Variants in CAMK4 observed in about 807,000 individuals in gnomAD.
CAMK4 encodes the protein calcium/calmodulin dependent protein kinase IV.
In CAMK4, 22 loss-of-function variants were observed where a neutral mutation model predicts 44.9. That is an observed-to-expected ratio of 0.49 (90% CI 0.35 to 0.70). The LOEUF is 0.70. Among genes scored for constraint, CAMK4 ranks in the 30% least tolerant of loss-of-function variants. The pLI, the probability that CAMK4 is intolerant of heterozygous loss-of-function variation, is 0.01. For synonymous variants in CAMK4, 218 were observed against 215.4 expected (o/e 1.01, Z -0.11); for missense variants, 498 against 586.8 (o/e 0.85, Z 1.56).
rs764687788 is a variant in CAMK4 at position 111,394,750 on chromosome 5, G to C, written c.427G>C (p.Asp143His). ...KGYYSERDAA[D>H]AVKQILEAVA... ...ATATTACAGTGAGCGAGATGCTGCA[G>C]ATGCCGTTAAACAAATCCTGGAGGC... is the stretch of plus-strand genomic sequence containing the variant. The change falls in exon 5 of 11, where the codon GAT becomes CAT. Residue 143 changes from aspartate (D) to histidine (H), a missense_variant. Transcript: ENST00000282356. 28 of 1,613,156 alleles carry C rather than the reference G, an allele frequency of 1.7e-5. No homozygotes were observed. In the South Asian group the frequency reaches 2.6e-4, roughly 15 times the overall value.
intron 2 of CAMK4, among the ~76,000 whole-genome samples, chr5:111,354,930 G>A (rs932869170): frequency 6.6e-6 from 1 of 152,090 alleles, no homozygotes; most frequent in African/African-American, 2.4e-5. Context: ...CTGACAATGA[G>A]CCATGCATTT....
At chr5:111,355,052 G>T (rs1750277200) in intron 2 of CAMK4, among the ~76,000 whole-genome samples, 1 of 152,108 alleles carries the variant, frequency 6.6e-6, no homozygotes, top group South Asian at 2.1e-4. Context: ...ATGTGCTCTG[G>T]AAGTACAGGC....
At position 111,461,813 on chromosome 5, in the gene CAMK4, T is replaced by TAAAA. The variant is rs3066731; in HGVS notation, c.626-11478_626-11475dup. 2.4e-3 allele frequency among the ~76,000 whole-genome samples: 167 copies of TAAAA among 69,158 alleles called. 15 individuals carry two copies. The highest frequency in any genetic ancestry group is 6.0e-3 in the African/African-American group (123 of 20,566). 45.4% of individuals were successfully genotyped at this position (69,158 alleles called of 152,430 possible). The stretch of plus-strand genomic sequence containing the variant: ...CTGAATTCAAAACAAGCCTCTATAG[T>TAAAA]AAAAAAAAAAAAAAAAAAAAAAATC... On this transcript the variant is annotated intron_variant, in intron 7 of 10. Transcript: ENST00000282356.
At chr5:111,316,600 A>G (rs1183180261) in intron 1 of CAMK4, among the ~76,000 whole-genome samples, 2 of 152,108 alleles carry the variant, frequency 1.3e-5, no homozygotes, top group African/African-American at 4.8e-5. Context: ...AGGCTCCTCT[A>G]CAGGCGTAGA....
In CAMK4 at chr5:111,449,153, T is replaced by G. The variant is rs1269055417; in HGVS notation, c.575T>G (p.Val192Gly). 1 of 1,577,072 alleles carries G rather than the reference T, an allele frequency of 6.3e-7. No homozygotes were observed. Among genetic ancestry groups the G allele is most frequent in the African/African-American group, 1.3e-5 (1 of 74,366 alleles). Residue 192 changes from valine to glycine, a missense_variant, in exon 7 of 11, where the codon GTG becomes GGG. Physicochemically the swap from Val to Gly is moderately radical, Grantham distance 109. Coordinates refer to ENST00000282356, the MANE Select transcript of CAMK4 (RefSeq NM_001744.6). ...GCTGATTTTGGACTCTCTAAAATTG[T>G]GGAACATCAAGTGCTCATGAAGACA... is the stretch of plus-strand genomic sequence containing the variant. The part of the protein sequence containing the change: ...KIADFGLSKI[V>G]EHQVLMKTVC...
At chr5:111,266,443 T>A (rs1022052163) in intron 1 of CAMK4, among the ~76,000 whole-genome samples, 22 of 152,232 alleles carry the variant, frequency 1.4e-4, no homozygotes, top group Admixed American at 2.6e-4. Context: ...AAAGCATTTT[T>A]AAGATATCTA....
intron 1 of CAMK4, among the ~76,000 whole-genome samples, chr5:111,319,926 G>A (rs1463805634): frequency 6.6e-6 from 1 of 152,138 alleles, no homozygotes; most frequent in East Asian, 1.9e-4. Flanking sequence ...GCAAACTCTA[G>A]TCTAGATAGG....
At chr5:111,319,752 T>C (rs74671886) in intron 1 of CAMK4, among the ~76,000 whole-genome samples, 11,901 of 152,262 alleles carry the variant, frequency 0.078, 589 homozygotes, top group Non-Finnish European at 0.12. Flanking sequence ...CTTTAACTGA[T>C]TGTGGTTATC....
At chr5:111,357,935 T>C (rs764264188) in intron 2 of CAMK4, 1 of 152,024 alleles carries the variant, frequency 6.6e-6, no homozygotes, top group Non-Finnish European at 1.5e-5. Context: ...CTCAGGGCTT[T>C]TGAATTCCAA....
At chr5:111,420,400 CT>C (rs1752982009) in intron 5 of CAMK4, among the ~76,000 whole-genome samples, 1 of 152,068 alleles carries the variant, frequency 6.6e-6, no homozygotes, top group African/African-American at 2.4e-5. Context: ...GACAATTTGA[CT>C]TCCTCTTTTC....
intron 1 of CAMK4, among the ~76,000 whole-genome samples, chr5:111,308,270 A>C (rs1748023958): frequency 6.6e-6 from 1 of 152,052 alleles, no homozygotes; most frequent in Non-Finnish European, 1.5e-5. Flanking sequence ...AAATAAAATA[A>C]ATGTATCAAA....
chr5:111,234,184 A>G (rs1183828441), intron 1 of CAMK4, among the ~76,000 whole-genome samples: 2 of 152,214 alleles, frequency 1.3e-5, no homozygotes, highest in African/African-American at 2.4e-5. Context: ...TTTAAATAAC[A>G]TTCTACTTTA....
intron 7 of CAMK4, among the ~76,000 whole-genome samples, chr5:111,467,795 G>GATTC (rs1754896821): frequency 6.6e-6 from 1 of 152,162 alleles, no homozygotes; most frequent in Non-Finnish European, 1.5e-5. Flanking sequence ...ACAGTGTGGA[G>GATTC]ATTCCTTAAA....
chr5:111,336,024 C>T (rs1194189774), intron 1 of CAMK4, among the ~76,000 whole-genome samples: 1 of 151,210 alleles, frequency 6.6e-6, no homozygotes, highest in African/African-American at 2.4e-5. Flanking sequence ...TCTAGAATTC[C>T]TGTTAAAACT....
At chr5:111,341,915 A>G (rs1004679697) in intron 1 of CAMK4, among the ~76,000 whole-genome samples, 4 of 151,400 alleles carry the variant, frequency 2.6e-5, no homozygotes, top group Non-Finnish European at 5.9e-5. Context: ...CGAATATGAC[A>G]ACTGTTCTTT....
intron 9 of CAMK4, among the ~76,000 whole-genome samples, chr5:111,480,266 A>ACACACACC (rs1755388597): frequency 6.7e-6 from 1 of 150,026 alleles, no homozygotes; most frequent in African/African-American, 2.5e-5. Context: ...ACACACACAC[A>ACACACACC]CACACACACA....
At position 111,494,194 on chromosome 5, in the gene CAMK4, CA is replaced by C. The variant is rs1755973857; in HGVS notation, c.*9729del. On this transcript the variant is annotated 3_prime_UTR_variant, in exon 11 of 11. Transcript: ENST00000282356. Reference sequence around the variant, plus strand: ...TTTAGGCTGCAAGTCAGTAGCCAAACACAAGAGCATGTAAGATTTGGAGGAC... The same window carrying C: ...TTTAGGCTGCAAGTCAGTAGCCAAACCAAGAGCATGTAAGATTTGGAGGAC... 1.3e-5 allele frequency: 2 copies of C among 152,256 alleles called. No homozygotes were observed. Among genetic ancestry groups the C allele is most frequent in the South Asian group, 4.1e-4 (2 of 4,830 alleles). 9.4% of individuals were successfully genotyped at this position (152,256 alleles called of 1,614,324 possible).
intron 2 of CAMK4, among the ~76,000 whole-genome samples, chr5:111,362,282 C>T (rs2112798137): frequency 6.6e-6 from 1 of 152,038 alleles, no homozygotes; most frequent in African/African-American, 2.4e-5. Flanking sequence ...AATGTACAGA[C>T]AAGGATGCTG....
At chr5:111,417,551 G>A (rs936562509) in intron 5 of CAMK4, among the ~76,000 whole-genome samples, 1 of 152,002 alleles carries the variant, frequency 6.6e-6, no homozygotes, top group Admixed American at 6.6e-5. Context: ...TAAAGAAGGG[G>A]TCTCATTCTG....
Sources: gnomAD v4.1 joint callset for allele counts (sites outside exome capture counted in the v4.1 genomes callset) on GRCh38, gnomAD v4.1.1 for gene constraint, MANE v1.5 for transcripts, NCBI Gene and HGNC (gene_info 2026-07-23, HGNC 2026-07-21) for gene names.